Variants in HIVEP3 observed in about 807,000 individuals in gnomAD.
HIVEP3 encodes HIVEP zinc finger 3.
In HIVEP3, 49 loss-of-function variants were observed where a neutral mutation model predicts 152.8. The observed-to-expected ratio is 0.32, with a 90% CI of 0.26 to 0.41. HIVEP3 has a LOEUF of 0.41. HIVEP3 is among the 10% of genes least tolerant of loss of function. The pLI, the probability that HIVEP3 is intolerant of heterozygous loss-of-function variation, is 1.00. For missense variants in HIVEP3, 2,790 were observed against 3,103.3 expected (o/e 0.90, Z 2.40); for synonymous variants, 1,269 against 1,289.0 (o/e 0.98, Z 0.33).
rs1015193420 is a variant in HIVEP3, at chr1:41,533,762, G to C, written c.5208-8852C>G. 2.6e-5 allele frequency among the ~76,000 whole-genome samples: 4 copies of C among 151,840 alleles called. No individual in the cohort carries two copies. The highest frequency in any genetic ancestry group is 9.7e-5 in the African/African-American group (4 of 41,310). ...TCTTCTCACCACACACCTTCCCCAG[G>C]TGACCCTCCACCTGGGTGCTGATGG... On this transcript the variant is annotated intron_variant, in intron 5 of 8. Coordinates refer to ENST00000372583, the MANE Select transcript of HIVEP3 (RefSeq NM_024503.5). The surrounding 1 kb of genome is among the most constrained non-coding windows in gnomAD (Gnocchi z 4.3).
intron 5 of HIVEP3, among the ~76,000 whole-genome samples, chr1:41,536,503 G>A (rs1643404313): frequency 6.6e-6 from 1 of 152,254 alleles, no homozygotes; most frequent in Admixed American, 6.5e-5. Flanking sequence ...TGGAGGCTCA[G>A]GGCACTAGAG....
In HIVEP3 at chr1:41,910,011, C is replaced by T. The variant is rs556480932; in HGVS notation, c.-801+8402G>A. On this transcript the variant is annotated intron_variant, in intron 1 of 8. Coordinates refer to ENST00000372583, the MANE Select transcript of HIVEP3 (RefSeq NM_024503.5). ...GAAAAAAGCCTGAAAATTAAAAAGC[C>T]AAACACTTACCTTAAAAAGCTAAGA... 1.6e-4 allele frequency among the ~76,000 whole-genome samples: 25 copies of T among 151,762 alleles called. 1 individual carries two copies. In the East Asian group the frequency reaches 4.4e-3, roughly 27 times the overall value.
At chr1:42,023,240 C>T (rs1401963850) in intron 1 of HIVEP3, among the ~76,000 whole-genome samples, 1 of 152,156 alleles carries the variant, frequency 6.6e-6, no homozygotes, top group Admixed American at 6.5e-5. Flanking sequence ...CTGCTGACTT[C>T]AAGTGATCTG....
intron 2 of HIVEP3, among the ~76,000 whole-genome samples, chr1:41,686,938 G>C (rs572575568): frequency 6.6e-6 from 1 of 152,278 alleles, no homozygotes; most frequent in African/African-American, 2.4e-5. Context: ...CAGGCACTGG[G>C]CACAATATAC....
intron 6 of HIVEP3, among the ~76,000 whole-genome samples, chr1:41,521,285 G>C (rs781696957): frequency 6.6e-6 from 1 of 152,238 alleles, no homozygotes; most frequent in Non-Finnish European, 1.5e-5. Context: ...GCTCTGCCAC[G>C]CACCATGCTG....
At chr1:41,587,938 G>C (rs1644530011) in intron 3 of HIVEP3, among the ~76,000 whole-genome samples, 1 of 152,198 alleles carries the variant, frequency 6.6e-6, no homozygotes, top group African/African-American at 2.4e-5. Context: ...CGGCAAGAGG[G>C]AGTAAGGAAT....
intron 1 of HIVEP3, chr1:41,848,949 C>T (rs1643518717): frequency 6.6e-6 from 1 of 152,424 alleles, no homozygotes; most frequent in South Asian, 2.1e-4. Flanking sequence ...CCTTCAAGCA[C>T]CAGTGTCCTC....
rs574740132 is a variant in HIVEP3 at position 41,964,672 on chromosome 1, T to A, written n.120-46148A>T. On this transcript the variant is annotated intron_variant and non_coding_transcript_variant, in intron 1 of 3. Transcript: ENST00000489103. ...CTGTGGCAGATCATGGCCAGACTGC[T>A]TCTTTAGGTGGGATCCAGATCCATT... 3.3e-5 allele frequency among the ~76,000 whole-genome samples: 5 copies of A among 152,318 alleles called. No homozygotes were observed. The East Asian group carries it at 9.7e-4, about 29-fold the overall frequency.
At chr1:41,672,669 G>A (rs72669085) in intron 2 of HIVEP3, among the ~76,000 whole-genome samples, 11 of 152,284 alleles carry the variant, frequency 7.2e-5, no homozygotes, top group Non-Finnish European at 1.5e-4. Context: ...AGTGGAGGCC[G>A]TCTGCCTCTC....
intron 2 of HIVEP3, among the ~76,000 whole-genome samples, chr1:41,685,193 GC>G (rs1408839156): frequency 1.3e-5 from 2 of 152,204 alleles, no homozygotes; most frequent in African/African-American, 4.8e-5. Flanking sequence ...ACTGTACCTT[GC>G]TGTTTGAATG....
At chr1:41,636,116 A>G (rs1645269072) in intron 2 of HIVEP3, among the ~76,000 whole-genome samples, 2 of 152,256 alleles carry the variant, frequency 1.3e-5, no homozygotes, top group Non-Finnish European at 2.9e-5. Flanking sequence ...AACAAAACAG[A>G]AAAGGTCTAT....
chr1:41,824,163 A>G (rs1642688990), intron 1 of HIVEP3, among the ~76,000 whole-genome samples: 2 of 152,180 alleles, frequency 1.3e-5, no homozygotes, highest in Admixed American at 1.3e-4. Context: ...ATGAAGACAC[A>G]GAGAATGTAA....
intron 5 of HIVEP3, among the ~76,000 whole-genome samples, chr1:41,553,593 A>T (rs952473832): frequency 2.6e-4 from 40 of 152,188 alleles, no homozygotes; most frequent in African/African-American, 9.4e-4. Context: ...TCTTCCTAGC[A>T]TCGATGGTCT....
chr1:41,847,767 C>T (rs895065543), intron 1 of HIVEP3: 2 of 152,400 alleles, frequency 1.3e-5, no homozygotes, highest in African/African-American at 2.4e-5. Flanking sequence ...TCCAAACACA[C>T]AAAGATGTCA....
At chr1:41,723,569 T>C (rs1646709637) in intron 1 of HIVEP3, among the ~76,000 whole-genome samples, 1 of 151,336 alleles carries the variant, frequency 6.6e-6, no homozygotes, top group Non-Finnish European at 1.5e-5. Context: ...CTCCGCAGAA[T>C]TGGCTGGTTT....
intron 1 of HIVEP3, among the ~76,000 whole-genome samples, chr1:41,826,553 A>G (rs1642809293): frequency 6.6e-6 from 1 of 152,190 alleles, no homozygotes; most frequent in Non-Finnish European, 1.5e-5. Context: ...TGAACTGGAC[A>G]GTCTGACTTC....
intron 3 of HIVEP3, among the ~76,000 whole-genome samples, chr1:41,626,546 G>T (rs903270440): frequency 1.3e-5 from 2 of 152,180 alleles, no homozygotes; most frequent in Non-Finnish European, 2.9e-5. Context: ...CCCCCCATCT[G>T]TACTCCCTGG....
chr1:41,525,982 C>T (rs1455147802), intron 5 of HIVEP3, among the ~76,000 whole-genome samples: 1 of 134,374 alleles, frequency 7.4e-6, no homozygotes. Context: ...GCGCACCTTC[C>T]AACGCCAGCC....
Position 41,512,796 on chromosome 1 carries a change from C to A in HIVEP3, c.6405+20G>T. On this transcript the variant is annotated intron_variant, in intron 8 of 8. Transcript: ENST00000372583. ...ACCCACAGGGGAGAAGCGGCCCAGC[C>A]ACCAGGGGCAGGAACTCACCCACGG... The A allele has an allele frequency of 6.8e-7, 1 of 1,464,228 alleles. No homozygotes were observed. Among genetic ancestry groups the A allele is most frequent in the Non-Finnish European group, 9.1e-7 (1 of 1,103,932 alleles). 90.7% of individuals were successfully genotyped at this position (1,464,228 alleles called of 1,614,324 possible). A position where few individuals can be genotyped will look rare whatever the true frequency, so the allele number is the denominator to read the frequency against.
Sources: allele counts gnomAD v4.1 joint callset (sites outside exome capture counted in the v4.1 genomes callset), GRCh38; gene constraint gnomAD v4.1.1; non-coding constraint Gnocchi (gnomAD v3.1); transcripts MANE v1.5; gene names NCBI Gene and HGNC (gene_info 2026-07-23, HGNC 2026-07-21).